Variants in C11orf65 observed in about 807,000 individuals in gnomAD.
C11orf65 encodes the protein protein MFI.
In C11orf65, 38 loss-of-function variants were observed where a neutral mutation model predicts 35.3. The ratio of observed to expected loss-of-function variants is 1.08; its 90% CI spans 0.83 to 1.41. C11orf65 has a LOEUF of 1.41. Ranked by LOEUF, C11orf65 falls within the 40% of genes most tolerant of loss-of-function variation. The pLI is 0.00. For missense variants in C11orf65, 370 were observed against 367.1 expected (o/e 1.01, Z -0.06); for synonymous variants, 105 against 114.4 (o/e 0.92, Z 0.53).
At chr11:108,345,967 TG>T in intron 2 of C11orf65, 1 of 1,598,836 alleles carries the variant, frequency 6.3e-7, no homozygotes. Context: ...GTTTTATTTT[TG>T]TTTGATTCAG....
At chr11:108,458,804 A>G (rs2093436945) in intron 2 of C11orf65, among the ~76,000 whole-genome samples, 1 of 152,204 alleles carries the variant, frequency 6.6e-6, no homozygotes, top group African/African-American at 2.4e-5. Flanking sequence ...CATTCCCGTC[A>G]CAGCCATCCC....
intron 6 of C11orf65, among the ~76,000 whole-genome samples, chr11:108,323,346 C>T (rs595747): frequency 0.62 from 94,556 of 151,882 alleles, 29,751 homozygotes; most frequent in Middle Eastern, 0.77. Flanking sequence ...GAAAAGAGTA[C>T]AGAATTCTTT....
At chr11:108,452,585 A>G (rs183706206) in intron 2 of C11orf65, among the ~76,000 whole-genome samples, 32 of 152,352 alleles carry the variant, frequency 2.1e-4, no homozygotes, top group African/African-American at 7.5e-4. Flanking sequence ...TGTAGAAGAC[A>G]GTGTGGCAAT....
At chr11:108,352,293 G>C (rs1395343084) in intron 2 of C11orf65, among the ~76,000 whole-genome samples, 1 of 152,136 alleles carries the variant, frequency 6.6e-6, no homozygotes, top group African/African-American at 2.4e-5. Flanking sequence ...AATATAGTAA[G>C]TCTCAGCACA....
intron 6 of C11orf65, among the ~76,000 whole-genome samples, chr11:108,397,492 C>T (rs2138505533): frequency 6.6e-6 from 1 of 152,012 alleles, no homozygotes; most frequent in African/African-American, 2.4e-5. Flanking sequence ...GAAGTTAAAA[C>T]AACAAAGACC....
chr11:108,400,933 T>C (rs2138558666), intron 6 of C11orf65, among the ~76,000 whole-genome samples: 1 of 151,960 alleles, frequency 6.6e-6, no homozygotes, highest in Non-Finnish European at 1.5e-5. Context: ...GTTGAAACCC[T>C]GCCTCTACTA....
chr11:108,312,314 C>T, intron 6 of C11orf65: 2 of 893,302 alleles, frequency 2.2e-6, no homozygotes, highest in Non-Finnish European at 3.7e-6. Context: ...TGTTTGCCAC[C>T]TTCATTAGTT....
downstream of C11orf65, among the ~76,000 whole-genome samples, chr11:108,378,201 G>A: frequency 6.6e-6 from 1 of 152,038 alleles, no homozygotes; most frequent in Non-Finnish European, 1.5e-5. Context: ...GAACAAAGCT[G>A]GAGGCATCAC....
chr11:108,459,700 T>C (rs555074933), intron 2 of C11orf65, among the ~76,000 whole-genome samples: 82 of 145,670 alleles, frequency 5.6e-4, no homozygotes, highest in African/African-American at 1.7e-3. Context: ...TCTGGAGAGA[T>C]AGAAGGTGAA....
chr11:108,343,756 G>A (rs751410892), intron 2 of C11orf65, among the ~76,000 whole-genome samples: 1 of 152,098 alleles, frequency 6.6e-6, no homozygotes, highest in Non-Finnish European at 1.5e-5. Flanking sequence ...AGGCCAGCCT[G>A]GGCAACAGAG....
At chr11:108,358,059 A>T (rs539764474) in intron 2 of C11orf65, among the ~76,000 whole-genome samples, 1 of 147,494 alleles carries the variant, frequency 6.8e-6, no homozygotes, top group East Asian at 1.9e-4. Flanking sequence ...AAAATTTAGA[A>T]GAATGTATAA....
intron 2 of C11orf65, among the ~76,000 whole-genome samples, chr11:108,438,176 T>C (rs1323544820): frequency 6.6e-6 from 1 of 152,188 alleles, no homozygotes; most frequent in Non-Finnish European, 1.5e-5. Flanking sequence ...AACAAATGTA[T>C]CCGTGACAAT....
At chr11:108,441,877 C>A (rs2135520186) in intron 2 of C11orf65, among the ~76,000 whole-genome samples, 1 of 152,286 alleles carries the variant, frequency 6.6e-6, no homozygotes, top group East Asian at 1.9e-4. Context: ...GAAACCAGAG[C>A]AGAAAAGCTG....
At chr11:108,328,379 TG>T (rs1320566437), downstream of C11orf65, among the ~76,000 whole-genome samples, 3 of 152,326 alleles carry the variant, frequency 2.0e-5, no homozygotes, top group East Asian at 5.8e-4. Flanking sequence ...CCCAAGTAGC[TG>T]GGACTACAGG....
At chr11:108,389,254 G>A (rs187603536) in intron 7 of C11orf65, among the ~76,000 whole-genome samples, 3 of 152,348 alleles carry the variant, frequency 2.0e-5, no homozygotes, top group Admixed American at 1.3e-4. Context: ...AAGGTCAAAC[G>A]GGGAAGTAGA....
At chr11:108,363,903 T>A (rs1327916532) in intron 2 of C11orf65, among the ~76,000 whole-genome samples, 1 of 152,228 alleles carries the variant, frequency 6.6e-6, no homozygotes, top group African/African-American at 2.4e-5. Context: ...TTCCTTTTCA[T>A]TAGTTCATTA....
At chr11:108,399,100 T>C (rs564971939) in intron 6 of C11orf65, among the ~76,000 whole-genome samples, 1 of 152,210 alleles carries the variant, frequency 6.6e-6, no homozygotes, top group South Asian at 2.1e-4. Flanking sequence ...ATCCCTGTAA[T>C]CCTGGCCACT....
rs183664907 is a variant in C11orf65 at position 108,368,550 on chromosome 11, T to C, written c.226+24658A>G. ...TTGTCCAAGGCAAGAAGATAGTAAA[T>C]TATAAGTACAAGTGTAATATGGACA... On this transcript the variant is annotated intron_variant, in intron 2 of 3. Transcript: ENST00000524755. 5.7e-4 allele frequency: 123 copies of C among 217,268 alleles called. 1 individual carries two copies. The highest frequency in any genetic ancestry group is 2.5e-3 in the African/African-American group (111 of 44,558). 13.5% of individuals were successfully genotyped at this position (217,268 alleles called of 1,614,324 possible).
chr11:108,331,334 A>C, downstream of C11orf65: 2 of 1,473,470 alleles, frequency 1.4e-6, no homozygotes, highest in South Asian at 2.8e-5. Flanking sequence ...AAGTTTTGTT[A>C]ACCACTTGTG....
Sources: allele counts gnomAD v4.1 joint callset (sites outside exome capture counted in the v4.1 genomes callset), GRCh38; gene constraint gnomAD v4.1.1; transcripts MANE v1.5; gene names NCBI Gene and HGNC (gene_info 2026-07-23, HGNC 2026-07-21).